DCX: variants seen among roughly 807,000 people sequenced by gnomAD.
DCX encodes the protein neuronal migration protein doublecortin.
A neutral mutation model predicts 20.9 loss-of-function variants in DCX; 4 were observed. The ratio of observed to expected loss-of-function variants is 0.19; its 90% CI spans 0.09 to 0.44. The LOEUF (loss-of-function observed/expected upper bound fraction) is 0.44, where lower values mean the gene tolerates loss of function less well. Ranked by LOEUF, DCX falls within the 20% of genes least tolerant of loss-of-function variation. DCX has a pLI of 0.99. For missense variants in DCX, 133 were observed against 296.9 expected, an observed-to-expected ratio of 0.45 and a Z score of 4.06; for synonymous variants, 103 against 111.4, an observed-to-expected ratio of 0.92 and a Z score of 0.47.
At chrX:111,332,148 C>T (rs760104034) in intron 4 of DCX, among the ~76,000 whole-genome samples, 2 of 112,505 alleles carry the variant, frequency 1.8e-5, no homozygotes, top group South Asian at 7.5e-4. Context: ...AAGCAGAAAG[C>T]CCCCTTTTGT....
At chrX:111,343,437 A>T (rs1318489486) in intron 3 of DCX, among the ~76,000 whole-genome samples, 2 of 103,779 alleles carry the variant, frequency 1.9e-5, no homozygotes, top group Non-Finnish European at 3.9e-5. Context: ...TTAATAGCCT[A>T]CCAACCAAGA....
At chrX:111,379,150 G>A (rs1015832541) in intron 3 of DCX, among the ~76,000 whole-genome samples, 2 of 112,246 alleles carry the variant, frequency 1.8e-5, no homozygotes, top group Non-Finnish European at 3.8e-5. Context: ...TATAATTCAC[G>A]CATAAACTAT....
intron 6 of DCX, among the ~76,000 whole-genome samples, chrX:111,302,750 T>C (rs2095036799): frequency 8.9e-6 from 1 of 112,709 alleles, no homozygotes; most frequent in Non-Finnish European, 1.9e-5. Context: ...TTCATCTGTA[T>C]TTCTTCCTCA....
At chrX:111,366,159 G>T (rs1045269734) in intron 3 of DCX, among the ~76,000 whole-genome samples, 3 of 112,019 alleles carry the variant, frequency 2.7e-5, no homozygotes, top group Non-Finnish European at 5.6e-5. Context: ...TTTTCTCCCA[G>T]ATCTTGATCT....
At chrX:111,315,194 A>C (rs1175314527) in intron 5 of DCX, among the ~76,000 whole-genome samples, 1 of 107,824 alleles carries the variant, frequency 9.3e-6, no homozygotes, top group Non-Finnish European at 1.9e-5. Context: ...CAAAGGGCTA[A>C]TATCCAGAAT....
intron 3 of DCX, among the ~76,000 whole-genome samples, chrX:111,340,875 T>C (rs533988839): frequency 3.6e-5 from 4 of 110,652 alleles, no homozygotes; most frequent in African/African-American, 1.3e-4. Flanking sequence ...AAAAACCCCA[T>C]GTAAAGGTCA....
intron 3 of DCX, among the ~76,000 whole-genome samples, chrX:111,374,816 T>C (rs1166118725): frequency 2.8e-5 from 3 of 108,921 alleles, no homozygotes; most frequent in Non-Finnish European, 3.8e-5. Context: ...CATTAACCCT[T>C]TGTTCTGCCA....
At chrX:111,348,280 T>C (rs1263238897) in intron 3 of DCX, among the ~76,000 whole-genome samples, 1 of 111,001 alleles carries the variant, frequency 9.0e-6, no homozygotes, top group South Asian at 3.8e-4. Context: ...AAAATACCAG[T>C]GGTATGGGAA....
intron 3 of DCX, among the ~76,000 whole-genome samples, chrX:111,399,107 C>T (rs1006357725): frequency 1.7e-4 from 19 of 110,736 alleles, no homozygotes; most frequent in African/African-American, 6.3e-4. Flanking sequence ...GAGTGAGACT[C>T]TGACTCCAAA....
intron 3 of DCX, among the ~76,000 whole-genome samples, chrX:111,355,330 A>C (rs1923646989): frequency 1.8e-5 from 2 of 111,071 alleles, no homozygotes; most frequent in African/African-American, 6.5e-5. Flanking sequence ...GTCCACAAAA[A>C]ATTCTTTTGT....
rs190946805 is a variant in DCX at position 111,387,414 on chromosome X, C to T, written c.705+13576G>A. On this transcript the variant is annotated intron_variant, in intron 3 of 6. Transcript: ENST00000636035. ...CATAATGCATTCCTAAGTTTATCAA[C>T]TATTCCTAAAGATCCAAAATCTAAA... Among the ~76,000 whole-genome samples, 539 of 111,947 alleles carry T rather than the reference C, an allele frequency of 4.8e-3. 4 individuals carry two copies. The highest frequency in any genetic ancestry group is 9.3e-3 in the Middle Eastern group (2 of 216).
In DCX at chrX:111,301,720, C is replaced by T; in HGVS notation, c.1068G>A (p.Leu356=). ...HKVDLYLPLS[L]DDSDSLGDSM ...AATCACCAAGCGAGTCCGAGTCATC[C>T]AAGGACAGAGGCAGGTACAGGTCCT... is the stretch of plus-strand genomic sequence containing the variant. Residue 356 remains leucine (L), a synonymous_variant, in exon 7 of 7, where the codon TTG becomes TTA. Coordinates refer to ENST00000636035, the MANE Select transcript of DCX (RefSeq NM_001195553.2). 8.3e-7 allele frequency: 1 copy of T among 1,211,507 alleles called. No homozygotes were observed.
At chrX:111,314,326 G>A (rs1478009136) in intron 5 of DCX, among the ~76,000 whole-genome samples, 1 of 112,008 alleles carries the variant, frequency 8.9e-6, no homozygotes, top group Non-Finnish European at 1.9e-5. Flanking sequence ...TCAGAGAGGA[G>A]TAAGCTACTT....
At chrX:111,389,826 C>T (rs1235534971) in intron 3 of DCX, among the ~76,000 whole-genome samples, 1 of 111,895 alleles carries the variant, frequency 8.9e-6, no homozygotes. Flanking sequence ...CTGAGTCCTC[C>T]AATTCCCTCA....
At chrX:111,387,684 C>T (rs963297084) in intron 3 of DCX, among the ~76,000 whole-genome samples, 1 of 111,707 alleles carries the variant, frequency 9.0e-6, no homozygotes, top group African/African-American at 3.3e-5. Flanking sequence ...GTGAGTAAGA[C>T]CAGAAATGTT....
chrX:111,321,330 C>T (rs943301203), intron 5 of DCX, among the ~76,000 whole-genome samples: 4 of 111,664 alleles, frequency 3.6e-5, no homozygotes, highest in Non-Finnish European at 7.5e-5. Context: ...CCTTCAGCTA[C>T]GCAGCACAAT....
At chrX:111,411,454 C>T (rs1010749934) in intron 1 of DCX, among the ~76,000 whole-genome samples, 1 of 110,089 alleles carries the variant, frequency 9.1e-6, no homozygotes, top group African/African-American at 3.3e-5. Flanking sequence ...TGCCCAGGTG[C>T]ATTAGCTGAG....
At chrX:111,343,735 A>G (rs1273148013) in intron 3 of DCX, among the ~76,000 whole-genome samples, 1 of 111,906 alleles carries the variant, frequency 8.9e-6, no homozygotes, top group Non-Finnish European at 1.9e-5. Context: ...TAATCCCAGC[A>G]CTTTGGGAGG....
chrX:111,382,403 C>T (rs1461336964), intron 3 of DCX, among the ~76,000 whole-genome samples: 1 of 112,069 alleles, frequency 8.9e-6, no homozygotes, highest in East Asian at 2.8e-4. Context: ...TGATGCACAG[C>T]CATGTTTGGG....
Sources: gnomAD v4.1 joint callset for allele counts (sites outside exome capture counted in the v4.1 genomes callset) on GRCh38, gnomAD v4.1.1 for gene constraint, MANE v1.5 for transcripts, NCBI Gene and HGNC (gene_info 2026-07-23, HGNC 2026-07-21) for gene names.